The following ZNF350 variants were observed in gnomAD, a reference collection of about 807,000 sequenced individuals.
ZNF350 encodes KRAB zinc finger protein ZFQR.
Under a neutral mutation model 13.1 loss-of-function variants are expected in ZNF350, and 5 were observed. The ratio of observed to expected loss-of-function variants is 0.38; its 90% CI spans 0.20 to 0.80. The LOEUF (loss-of-function observed/expected upper bound fraction) is 0.80. Among genes scored for constraint, ZNF350 ranks in the 30% least tolerant of loss-of-function variants. The pLI, the probability that ZNF350 is intolerant of heterozygous loss-of-function variation, is 0.43. For synonymous variants in ZNF350, 199 were observed against 224.2 expected (o/e 0.89, Z 1.00); for missense variants, 534 against 644.2 (o/e 0.83, Z 1.85).
chr19:51,977,796 T>G (rs561458928), intron 1 of ZNF350, among the ~76,000 whole-genome samples: 314 of 152,318 alleles, frequency 2.1e-3, no homozygotes, highest in African/African-American at 6.7e-3. Context: ...TACAAAAAAC[T>G]TGGGAAATTT....
intron 1 of ZNF350, among the ~76,000 whole-genome samples, chr19:51,984,930 A>G (rs2086132867): frequency 6.6e-6 from 1 of 152,202 alleles, no homozygotes; most frequent in South Asian, 2.1e-4. Flanking sequence ...AGAGTGATGT[A>G]CAATTCCACT....
At chr19:51,978,055 A>G (rs1048115234) in intron 1 of ZNF350, among the ~76,000 whole-genome samples, 2 of 152,202 alleles carry the variant, frequency 1.3e-5, no homozygotes, top group Non-Finnish European at 2.9e-5. Context: ...ACTCGCCATA[A>G]CAAAGGAAAT....
At chr19:51,975,777 G>C (rs752807204) in intron 1 of ZNF350, among the ~76,000 whole-genome samples, 1 of 152,232 alleles carries the variant, frequency 6.6e-6, no homozygotes, top group African/African-American at 2.4e-5. Flanking sequence ...GTCTCACTCT[G>C]TCGCCCAGGC....
rs202054246 is a variant in ZNF350, at chr19:51,975,429, TAAAAAAAA to T, written c.-171-906_-171-899del. On this transcript the variant is annotated intron_variant, in intron 1 of 4. Transcript: ENST00000243644. Reference sequence around the variant, plus strand: ...GGTCAAAAAGAGCGAAACCTCGTCTTAAAAAAAAAAAAAAAAAAAAAAACTAGTAATTG... The same window carrying T: ...GGTCAAAAAGAGCGAAACCTCGTCTTAAAAAAAAAAAAAAACTAGTAATTG... 8.4e-4 allele frequency among the ~76,000 whole-genome samples: 75 copies of T among 88,960 alleles called. 1 individual carries two copies. In the East Asian group the frequency reaches 0.022, roughly 27 times the overall value. The allele number at this position is 88,960 out of a possible 152,430, so 58.4% of individuals were successfully genotyped here. A position where few individuals can be genotyped will look rare whatever the true frequency, so the allele number is the denominator to read the frequency against.
intron 1 of ZNF350, chr19:51,981,249 C>G (rs1363075720): frequency 1.2e-5 from 1 of 81,338 alleles, no homozygotes; most frequent in East Asian, 4.3e-4. Context: ...CAGCCGACCC[C>G]TTCTTCCACC....
intron 4 of ZNF350, among the ~76,000 whole-genome samples, chr19:51,966,575 G>A (rs1479607088): frequency 1.3e-5 from 2 of 151,628 alleles, no homozygotes; most frequent in Admixed American, 6.6e-5. Context: ...TTTGGGAGAC[G>A]GAGTCTCACT....
chr19:51,978,654 T>C (rs1035049204), intron 1 of ZNF350, among the ~76,000 whole-genome samples: 6 of 152,110 alleles, frequency 3.9e-5, no homozygotes, highest in Non-Finnish European at 7.4e-5. Context: ...TTTATGGGCT[T>C]ATGGACATGG....
chr19:51,966,256 G>A, intron 4 of ZNF350, 42 bp from the exon 5 acceptor site: 2 of 1,512,388 alleles, frequency 1.3e-6, no homozygotes, highest in Non-Finnish European at 1.8e-6. Context: ...TTAGATTTGG[G>A]GTAAAAGTTT....
At chr19:51,970,262 T>C (rs6509608) in intron 2 of ZNF350, among the ~76,000 whole-genome samples, 6,182 of 151,820 alleles carry the variant, frequency 0.041, 344 homozygotes, top group African/African-American at 0.13. Context: ...GGGGTTTCAC[T>C]ATGTTGGCCA....
chr19:51,966,002 T>A lies in ZNF350; in HGVS notation c.451A>T (p.Ile151Leu). ...CCAGTAAACTCAACAGAGTTCTTTATTTCATAGCCTTTGCTCTGGTTAACT... is the reference window on the plus strand; with the variant it reads ...CCAGTAAACTCAACAGAGTTCTTTAATTCATAGCCTTTGCTCTGGTTAACT... ...TLVNQSKGYE[I>L]KNSVEFTGNG... The change falls in exon 5 of 5, where the codon ATA becomes TTA. Residue 151 changes from isoleucine to leucine, a missense_variant. By Grantham distance (5) the Ile-to-Leu change is conservative. Coordinates refer to ENST00000243644, the MANE Select transcript of ZNF350 (RefSeq NM_021632.4). 6.2e-7 allele frequency: 1 copy of A among 1,614,144 alleles called. No homozygotes were observed. The highest frequency in any genetic ancestry group is 8.5e-7 in the Non-Finnish European group (1 of 1,180,022).
At chr19:51,972,114 C>T (rs956615282) in intron 2 of ZNF350, among the ~76,000 whole-genome samples, 3 of 151,914 alleles carry the variant, frequency 2.0e-5, no homozygotes, top group Non-Finnish European at 4.4e-5. Flanking sequence ...CAAATATCAG[C>T]ATAAGCAAGT....
At chr19:51,975,474 G>A (rs1007790760) in intron 1 of ZNF350, among the ~76,000 whole-genome samples, 6 of 142,860 alleles carry the variant, frequency 4.2e-5, no homozygotes, top group Non-Finnish European at 6.0e-5. Flanking sequence ...TTTAAAGTAC[G>A]TAAGTTCCAT....
intron 2 of ZNF350, 140 bp from the exon 3 acceptor site, chr19:51,969,271 T>A: frequency 1.1e-6 from 1 of 908,842 alleles, no homozygotes; most frequent in Non-Finnish European, 1.6e-6. Flanking sequence ...GTGGAAGAAG[T>A]AAAGTCCTAA....
chr19:51,969,661 T>C (rs1289860371), intron 2 of ZNF350, among the ~76,000 whole-genome samples: 2 of 151,914 alleles, frequency 1.3e-5, no homozygotes, highest in Non-Finnish European at 2.9e-5. Flanking sequence ...AGACCCCATC[T>C]GTACAAAAAA....
In ZNF350 at chr19:51,965,985, C is replaced by T. The variant is rs2122865304; in HGVS notation, c.468G>A (p.Glu156=). Residue 156 remains glutamate, a synonymous_variant, in exon 5 of 5, where the codon GAG becomes GAA. Transcript: ENST00000243644. ...SKGYEIKNSV[E]FTGNGDSFLH... ...GAAAGGAGTCCCCATTTCCAGTAAA[C>T]TCAACAGAGTTCTTTATTTCATAGC... 6.2e-7 allele frequency: 1 copy of T among 1,614,102 alleles called. No homozygotes were observed. The highest frequency in any genetic ancestry group is 8.5e-7 in the Non-Finnish European group (1 of 1,180,022).
At chr19:51,975,586 TAAAATAAAATGTACTAAG>T (rs2085871135) in intron 1 of ZNF350, among the ~76,000 whole-genome samples, 1 of 152,182 alleles carries the variant, frequency 6.6e-6, no homozygotes, top group Non-Finnish European at 1.5e-5. Flanking sequence ...ATAGCTGTTT[TAAAATAAAATGTACTAAG>T]AAAATTACAT....
chr19:51,974,675 T>C (rs2085836709), intron 1 of ZNF350, 144 bp from the exon 2 acceptor site: 1 of 240,600 alleles, frequency 4.2e-6, no homozygotes, highest in African/African-American at 2.2e-5. Flanking sequence ...GCGGATTTTA[T>C]ACCTGTGGCC....
In ZNF350 at chr19:51,965,298, T is replaced by G. The variant is rs4986772; in HGVS notation, c.1155A>C (p.Thr385=). 56,656 of 1,614,072 alleles carry G rather than the reference T, an allele frequency of 0.035. 1,191 individuals are homozygous for G. Among genetic ancestry groups the G allele is most frequent in the Non-Finnish European group, 0.039 (46,092 of 1,179,944 alleles). Reference sequence around the variant, plus strand: ...TTTGATGGACAATGAGCTTTTGCTTTGTGCTAAAGGCTTTCCCACATTCAC... The same window carrying G: ...TTTGATGGACAATGAGCTTTTGCTTGGTGCTAAAGGCTTTCCCACATTCAC... The part of the protein sequence containing the change: ...ECSECGKAFS[T]KQKLIVHQRT... Residue 385 remains threonine, a synonymous_variant, in exon 5 of 5, where the codon ACA becomes ACC. Coordinates refer to ENST00000243644, the MANE Select transcript of ZNF350 (RefSeq NM_021632.4).
rs1320366001 is a variant in ZNF350 at position 51,968,642 on chromosome 19, G to C, written c.174C>G (p.Phe58Leu). 1 of 1,614,070 alleles carries C rather than the reference G, an allele frequency of 6.2e-7. No homozygotes were observed. Among genetic ancestry groups the C allele is most frequent in the Non-Finnish European group, 8.5e-7 (1 of 1,180,006 alleles). ...GYQASKPDAL[F>L]KLEQGEQLWT... ...ACAGTTGTTCTCCTTGTTCCAACTT[G>C]AAGAGTGCATCCGGTTTGCTGGCTT... Residue 58 changes from phenylalanine to leucine, a missense_variant, in exon 4 of 5, where the codon TTC (phenylalanine) becomes TTG (leucine). Physicochemically the swap from Phe to Leu is conservative, Grantham distance 22. Coordinates refer to ENST00000243644, the MANE Select transcript of ZNF350 (RefSeq NM_021632.4).
Sources: gnomAD v4.1 joint callset for allele counts (sites outside exome capture counted in the v4.1 genomes callset) on GRCh38, gnomAD v4.1.1 for gene constraint, MANE v1.5 for transcripts, NCBI Gene and HGNC (gene_info 2026-07-23, HGNC 2026-07-21) for gene names.